Variants in PBX1 observed in about 807,000 individuals in gnomAD.
PBX1 encodes the protein PBX homeobox 1.
Under a neutral mutation model 53.4 loss-of-function variants are expected in PBX1, and 6 were observed. The observed-to-expected ratio is 0.11, with a 90% CI of 0.06 to 0.22. The LOEUF is 0.22. Ranked by LOEUF, PBX1 falls within the 10% of genes least tolerant of loss-of-function variation. The probability of loss-of-function intolerance (pLI) is 1.00; values close to 1 mark genes in which losing one functional copy is unlikely to be tolerated. For missense variants in PBX1, 251 were observed against 551.4 expected, an observed-to-expected ratio of 0.46 and a Z score of 5.46; for synonymous variants, 204 against 212.3, an observed-to-expected ratio of 0.96 and a Z score of 0.34.
intron 2 of PBX1, among the ~76,000 whole-genome samples, chr1:164,678,685 A>C (rs1261738155): frequency 1.3e-5 from 2 of 152,188 alleles, no homozygotes; most frequent in Admixed American, 6.5e-5. Flanking sequence ...CACTTATATA[A>C]TTATCTCAGC....
chr1:164,868,552 CAAAAG>C (rs1672274495), intron 2 of PBX1, among the ~76,000 whole-genome samples: 1 of 152,110 alleles, frequency 6.6e-6, no homozygotes, highest in Admixed American at 6.6e-5. Flanking sequence ...ATGGGTGAGA[CAAAAG>C]AAAAGAATCC....
intron 2 of PBX1, among the ~76,000 whole-genome samples, chr1:164,736,333 C>T (rs187332429): frequency 3.9e-5 from 6 of 152,092 alleles, no homozygotes; most frequent in Non-Finnish European, 5.9e-5. Context: ...TTTTTGAGCT[C>T]GGGGGAACCA....
intron 2 of PBX1, among the ~76,000 whole-genome samples, chr1:164,653,854 ACT>A (rs1231960262): frequency 2.0e-5 from 3 of 151,958 alleles, no homozygotes; most frequent in African/African-American, 7.3e-5. Flanking sequence ...CTTGGAACTT[ACT>A]TGTTTCTTTG....
chr1:164,881,882 T>C (rs1672668622), intron 2 of PBX1, among the ~76,000 whole-genome samples: 1 of 152,188 alleles, frequency 6.6e-6, no homozygotes, highest in East Asian at 1.9e-4. Flanking sequence ...GCTCATTCAC[T>C]TTAGCAGCAG....
chr1:164,728,933 A>G (rs1664838026), intron 2 of PBX1, among the ~76,000 whole-genome samples: 1 of 152,250 alleles, frequency 6.6e-6, no homozygotes, highest in Non-Finnish European at 1.5e-5. Flanking sequence ...CAAGTGGGCC[A>G]GCTCATTATA....
At chr1:164,651,469 C>T (rs1228453999) in intron 2 of PBX1, among the ~76,000 whole-genome samples, 1 of 152,086 alleles carries the variant, frequency 6.6e-6, no homozygotes, top group Admixed American at 6.6e-5. Context: ...GCGGGCCCTG[C>T]AGTGTTGAGC....
At chr1:164,598,836 A>G (rs1655949307) in intron 2 of PBX1, among the ~76,000 whole-genome samples, 1 of 152,112 alleles carries the variant, frequency 6.6e-6, no homozygotes, top group Admixed American at 6.5e-5. Flanking sequence ...ATGTGATTAG[A>G]TTTGACCTTT....
intron 3 of PBX1, among the ~76,000 whole-genome samples, chr1:164,793,222 G>T (rs1159062593): frequency 6.6e-6 from 1 of 152,076 alleles, no homozygotes; most frequent in African/African-American, 2.4e-5. Flanking sequence ...CTTAAAACTT[G>T]GCCCTAGAGT....
At chr1:164,819,936 T>C in intron 6 of PBX1, 136 bp from the exon 7 acceptor site, 1 of 616,026 alleles carries the variant, frequency 1.6e-6, no homozygotes, top group Non-Finnish European at 2.9e-6. Flanking sequence ...CTAACCAGAC[T>C]CTGTTGATGT....
At chr1:164,723,058 T>C (rs1664495183) in intron 2 of PBX1, among the ~76,000 whole-genome samples, 1 of 152,160 alleles carries the variant, frequency 6.6e-6, no homozygotes. Context: ...GATTAGGAGC[T>C]CAATGCTCTC....
intron 2 of PBX1, among the ~76,000 whole-genome samples, chr1:164,644,694 G>C (rs1659348505): frequency 6.6e-6 from 1 of 152,104 alleles, no homozygotes; most frequent in African/African-American, 2.4e-5. Flanking sequence ...GATAAAAACT[G>C]TATCTTGGCC....
intron 2 of PBX1, among the ~76,000 whole-genome samples, chr1:164,633,265 T>C (rs1303418939): frequency 1.3e-5 from 2 of 151,998 alleles, no homozygotes; most frequent in East Asian, 1.9e-4. Context: ...TTCTCCTGCC[T>C]CAGCCTCCCG....
At chr1:164,583,356 G>GT (rs1309571119) in intron 2 of PBX1, among the ~76,000 whole-genome samples, 2 of 152,086 alleles carry the variant, frequency 1.3e-5, no homozygotes, top group Non-Finnish European at 2.9e-5. Context: ...TGTAGATTTG[G>GT]TTTTTTGCTT....
chr1:164,727,990 G>A (rs781126699), intron 2 of PBX1, among the ~76,000 whole-genome samples: 10 of 152,172 alleles, frequency 6.6e-5, no homozygotes, highest in Non-Finnish European at 1.5e-4. Context: ...TGGAGATAGC[G>A]CCTTCCTATT....
intron 2 of PBX1, among the ~76,000 whole-genome samples, chr1:164,780,929 G>GCTTA (rs1331314617): frequency 2.0e-5 from 3 of 152,160 alleles, no homozygotes; most frequent in Non-Finnish European, 4.4e-5. Flanking sequence ...TCAGTTAAAG[G>GCTTA]CTTAGTGCGT....
chr1:164,841,251 A>G (rs1382636611), intron 8 of PBX1, among the ~76,000 whole-genome samples: 2 of 152,126 alleles, frequency 1.3e-5, no homozygotes, highest in Non-Finnish European at 2.9e-5. Flanking sequence ...GGTGTGAGTG[A>G]GATGTAATTG....
intron 8 of PBX1, among the ~76,000 whole-genome samples, chr1:164,843,361 T>C (rs1571514624): frequency 6.6e-6 from 1 of 152,220 alleles, no homozygotes; most frequent in African/African-American, 2.4e-5. Context: ...TGGTGAGAAG[T>C]GGGAGGTCAT....
chr1:164,726,578 A>G (rs1174919248), intron 2 of PBX1, among the ~76,000 whole-genome samples: 1 of 152,254 alleles, frequency 6.6e-6, no homozygotes, highest in East Asian at 1.9e-4. Context: ...AATTGTAAGC[A>G]TAGCCACTTA....
In PBX1 at chr1:164,847,110, A is replaced by C; in HGVS notation, c.*434A>C. On this transcript the variant is annotated 3_prime_UTR_variant, in exon 9 of 9. Transcript: ENST00000420696. Reference sequence around the variant, plus strand: ...TGAGGAGCCAAATTTACCTCACTCGAATCCCTCACTCCCTATGTTAACAGG... The same window carrying C: ...TGAGGAGCCAAATTTACCTCACTCGCATCCCTCACTCCCTATGTTAACAGG... 9.1e-7 allele frequency: 1 copy of C among 1,098,372 alleles called. No homozygotes were observed. Among genetic ancestry groups the C allele is most frequent in the Non-Finnish European group, 1.1e-6 (1 of 897,126 alleles). 68.0% of individuals were successfully genotyped at this position (1,098,372 alleles called of 1,614,324 possible). A position where few individuals can be genotyped will look rare whatever the true frequency, so the allele number is the denominator to read the frequency against.
Sources: allele counts gnomAD v4.1 joint callset (sites outside exome capture counted in the v4.1 genomes callset), GRCh38; gene constraint gnomAD v4.1.1; transcripts MANE v1.5; gene names NCBI Gene and HGNC (gene_info 2026-07-23, HGNC 2026-07-21).